Variants in TAFA5 observed in about 807,000 individuals in gnomAD.
The protein encoded by TAFA5 is TAFA chemokine like family member 5, also known as chemokine-like protein TAFA-5.
Under a neutral mutation model 15.3 loss-of-function variants are expected in TAFA5, and 6 were observed. The observed-to-expected ratio is 0.39, with a 90% CI of 0.21 to 0.77. The LOEUF is 0.77. Ranked by LOEUF, TAFA5 falls within the 30% of genes least tolerant of loss-of-function variation. The pLI, the probability that TAFA5 is intolerant of heterozygous loss-of-function variation, is 0.41. For missense variants in TAFA5, 161 were observed against 193.1 expected, an observed-to-expected ratio of 0.83 and a Z score of 0.98; for synonymous variants, 103 against 80.7, an observed-to-expected ratio of 1.28 and a Z score of -1.48.
intron 1 of TAFA5, among the ~76,000 whole-genome samples, chr22:48,580,056 C>T (rs371526460): frequency 1.3e-5 from 2 of 152,212 alleles, no homozygotes; most frequent in Non-Finnish European, 2.9e-5. Flanking sequence ...TTGCGTCCAG[C>T]GGCCGCGGCA....
At position 48,719,239 on chromosome 22, in the gene TAFA5, G is replaced by T. The variant is rs117692021; in HGVS notation, c.390+11395G>T. Among the ~76,000 whole-genome samples the T allele has an allele frequency of 1.0e-3, 154 of 152,298 alleles. 1 individual carries two copies. In the East Asian group the frequency reaches 0.024, roughly 24 times the overall value. On this transcript the variant is annotated intron_variant, in intron 3 of 3. Coordinates refer to ENST00000402357, the MANE Select transcript of TAFA5 (RefSeq NM_001082967.3). Reference sequence around the variant, plus strand: ...CTTCTGGAACTAATGCCAGGTGGACGCAGAGCCGGCAGGACTGAAGAGAAC... The same window carrying T: ...CTTCTGGAACTAATGCCAGGTGGACTCAGAGCCGGCAGGACTGAAGAGAAC...
intron 1 of TAFA5, among the ~76,000 whole-genome samples, chr22:48,540,586 A>G (rs1348864223): frequency 7.6e-6 from 1 of 132,060 alleles, no homozygotes; most frequent in Non-Finnish European, 1.6e-5. Context: ...AGATATGCAC[A>G]GGAGTTTGCC....
intron 1 of TAFA5, among the ~76,000 whole-genome samples, chr22:48,562,276 T>C (rs133451): frequency 0.59 from 88,754 of 151,434 alleles, 26,780 homozygotes; most frequent in Non-Finnish European, 0.66. Context: ...TAGCTGGGAC[T>C]ACAGGCGCCC....
In TAFA5 at chr22:48,722,566, G is replaced by A. The variant is rs185052360; in HGVS notation, c.390+14722G>A. Among the ~76,000 whole-genome samples the A allele has an allele frequency of 2.0e-4, 31 of 152,178 alleles. No homozygotes were observed. In the East Asian group the frequency reaches 2.1e-3, roughly 10 times the overall value. ...ACACTGGGGCCTGTCGGGGTGGGGG[G>A]CTAGGGGAGGGATAGCATCAGGAGA... is the stretch of plus-strand genomic sequence containing the variant. On this transcript the variant is annotated intron_variant, in intron 3 of 3. Transcript: ENST00000402357.
chr22:48,542,274 T>TG lies in TAFA5; in HGVS notation c.112+52576dup, dbSNP rs199651526. Among the ~76,000 whole-genome samples, 357 of 134,254 alleles carry TG rather than the reference T, an allele frequency of 2.7e-3. 4 individuals are homozygous for TG. Among genetic ancestry groups the TG allele is most frequent in the African/African-American group, 9.6e-3 (340 of 35,376 alleles). The allele number at this position is 134,254 out of a possible 152,430, so 88.1% of individuals were successfully genotyped here. ...TGTGTGTATGTGTGTGTGGTGTGTG[T>TG]GGGGGGTGTGTGTGCATGTGTGATG... On this transcript the variant is annotated intron_variant, in intron 1 of 3. Transcript: ENST00000402357.
At chr22:48,495,705 A>C (rs1928301727) in intron 1 of TAFA5, among the ~76,000 whole-genome samples, 1 of 152,094 alleles carries the variant, frequency 6.6e-6, no homozygotes, top group African/African-American at 2.4e-5. Flanking sequence ...CTCCCTCCTG[A>C]ATGTAGCAGC....
chr22:48,689,758 A>C (rs1569080388), intron 2 of TAFA5, among the ~76,000 whole-genome samples: 2 of 152,160 alleles, frequency 1.3e-5, no homozygotes, highest in East Asian at 3.9e-4. Flanking sequence ...AGGAAAGAGC[A>C]GGTTGATGGG....
chr22:48,718,246 C>T (rs1475430343), intron 3 of TAFA5, among the ~76,000 whole-genome samples: 2 of 152,206 alleles, frequency 1.3e-5, no homozygotes, highest in Non-Finnish European at 2.9e-5. Context: ...TGGCCCCCTG[C>T]ACAGCAGACA....
chr22:48,630,582 TTGG>T (rs1434013496), intron 1 of TAFA5, among the ~76,000 whole-genome samples: 1 of 152,082 alleles, frequency 6.6e-6, no homozygotes, highest in Non-Finnish European at 1.5e-5. Flanking sequence ...CACGGGATAA[TTGG>T]TGGGGCCAGG....
chr22:48,522,648 G>A (rs1921644883), intron 1 of TAFA5, among the ~76,000 whole-genome samples: 1 of 152,224 alleles, frequency 6.6e-6, no homozygotes, highest in Non-Finnish European at 1.5e-5. Flanking sequence ...CCCCTGGGAG[G>A]AAGGCCATTC....
At chr22:48,522,801 C>A (rs1360313165) in intron 1 of TAFA5, among the ~76,000 whole-genome samples, 1 of 152,234 alleles carries the variant, frequency 6.6e-6, no homozygotes, top group Non-Finnish European at 1.5e-5. Context: ...AGCCCACATG[C>A]CCCCAGGCTG....
intron 1 of TAFA5, among the ~76,000 whole-genome samples, chr22:48,501,731 A>G (rs1394490126): frequency 6.6e-6 from 1 of 152,160 alleles, no homozygotes; most frequent in Non-Finnish European, 1.5e-5. Context: ...TGTCCCCTGG[A>G]GGCCCCAGGG....
chr22:48,724,996 G>A (rs2147263451), intron 3 of TAFA5, among the ~76,000 whole-genome samples: 1 of 152,356 alleles, frequency 6.6e-6, no homozygotes, highest in Middle Eastern at 3.4e-3. Context: ...ACCAGGAACT[G>A]TGTTCTTCCG....
intron 1 of TAFA5, among the ~76,000 whole-genome samples, chr22:48,510,623 A>G (rs1381840651): frequency 6.6e-6 from 1 of 152,238 alleles, no homozygotes; most frequent in Non-Finnish European, 1.5e-5. Flanking sequence ...GGGTGGGGGA[A>G]CCTGGCTGTG....
At chr22:48,608,098 C>CTGCCAGCCCCTCCCACGGCCCCGGGA in intron 1 of TAFA5, among the ~76,000 whole-genome samples, 2 of 151,714 alleles carry the variant, frequency 1.3e-5, no homozygotes, top group Non-Finnish European at 2.9e-5. Context: ...CGGCCCCAGG[C>CTGCCAGCCCCTCCCACGGCCCCGGGA]TGCCAGCCCC....
chr22:48,709,548 C>G (rs1929188666), intron 3 of TAFA5, among the ~76,000 whole-genome samples: 1 of 152,210 alleles, frequency 6.6e-6, no homozygotes, highest in Admixed American at 6.5e-5. Flanking sequence ...CCACCTCGCC[C>G]TGAATTTGGG....
rs543774276 is a variant in TAFA5, at chr22:48,672,986, T to C, written c.262+26240T>C. Among the ~76,000 whole-genome samples the C allele has an allele frequency of 7.2e-5, 11 of 152,242 alleles. 1 individual carries two copies. In the Middle Eastern group the frequency reaches 0.017, roughly 235 times the overall value. On this transcript the variant is annotated intron_variant, in intron 2 of 3. Coordinates refer to ENST00000402357, the MANE Select transcript of TAFA5 (RefSeq NM_001082967.3). ...AGTCCTGAGTATGTCCAGGACAGTG[T>C]GGAACAGACAAAAACCCTGACCCCA...
intron 1 of TAFA5, among the ~76,000 whole-genome samples, chr22:48,493,811 C>A (rs1928235366): frequency 1.3e-5 from 2 of 152,032 alleles, no homozygotes; most frequent in Admixed American, 1.3e-4. Context: ...GGGGAAGGGA[C>A]TTCCGAAGGG....
chr22:48,652,765 C>A (rs952900575), intron 2 of TAFA5, among the ~76,000 whole-genome samples: 4 of 152,236 alleles, frequency 2.6e-5, no homozygotes, highest in Non-Finnish European at 5.9e-5. Flanking sequence ...CCTTCCAGTA[C>A]GCGACGGAGA....
Sources: allele counts gnomAD v4.1 joint callset (sites outside exome capture counted in the v4.1 genomes callset), GRCh38; gene constraint gnomAD v4.1.1; transcripts MANE v1.5; gene names NCBI Gene and HGNC (gene_info 2026-07-23, HGNC 2026-07-21).